CHST9: variants seen among roughly 807,000 people sequenced by gnomAD.
CHST9 encodes GalNAc-4-sulfotransferase 2.
In CHST9, 41 loss-of-function variants were observed where a neutral mutation model predicts 44.4. That is an observed-to-expected ratio of 0.92 (90% CI 0.72 to 1.20). CHST9 has a LOEUF of 1.20. Among genes scored for constraint, CHST9 ranks in the 50% most tolerant of loss-of-function variants. The pLI is 0.00. For missense variants in CHST9, 504 were observed against 516.5 expected, an observed-to-expected ratio of 0.98 and a Z score of 0.23; for synonymous variants, 171 against 178.4, an observed-to-expected ratio of 0.96 and a Z score of 0.33.
intron 1 of CHST9, among the ~76,000 whole-genome samples, chr18:27,182,612 C>T (rs777078742): frequency 6.6e-6 from 1 of 152,036 alleles, no homozygotes; most frequent in Non-Finnish European, 1.5e-5. Flanking sequence ...GATAAAATAC[C>T]GTAATATTGA....
intron 4 of CHST9, among the ~76,000 whole-genome samples, chr18:26,975,725 G>GTGTGTATA (rs1383045273): frequency 3.9e-5 from 4 of 101,840 alleles, no homozygotes; most frequent in African/African-American, 7.3e-5. Flanking sequence ...GTGTGTGTGT[G>GTGTGTATA]TATATATATA....
chr18:27,112,646 C>T (rs1277325671), intron 2 of CHST9, among the ~76,000 whole-genome samples: 1 of 148,056 alleles, frequency 6.8e-6, no homozygotes, highest in Non-Finnish European at 1.5e-5. Flanking sequence ...TATATATAAT[C>T]TATTGATTCT....
At chr18:27,091,544 C>T (rs2058069046) in intron 2 of CHST9, among the ~76,000 whole-genome samples, 1 of 152,114 alleles carries the variant, frequency 6.6e-6, no homozygotes, top group Admixed American at 6.5e-5. Flanking sequence ...GGGAATGCTT[C>T]CAGTTTTTGC....
intron 3 of CHST9, among the ~76,000 whole-genome samples, chr18:27,043,819 A>C (rs2057470847): frequency 6.6e-6 from 1 of 152,064 alleles, no homozygotes; most frequent in African/African-American, 2.4e-5. Flanking sequence ...CATGAAGTCC[A>C]AACTCCATGG....
At chr18:26,975,244 G>A (rs1273579687) in intron 4 of CHST9, among the ~76,000 whole-genome samples, 1 of 152,092 alleles carries the variant, frequency 6.6e-6, no homozygotes, top group African/African-American at 2.4e-5. Flanking sequence ...GAGACATAGG[G>A]AACAGGAAGG....
intron 4 of CHST9, among the ~76,000 whole-genome samples, chr18:27,002,903 A>G (rs1164755294): frequency 1.3e-5 from 2 of 152,234 alleles, no homozygotes; most frequent in Non-Finnish European, 2.9e-5. Flanking sequence ...TGTTAATGGC[A>G]GAAATGTGAA....
intron 1 of CHST9, among the ~76,000 whole-genome samples, chr18:27,147,050 G>T (rs1040279633): frequency 6.6e-6 from 1 of 151,840 alleles, no homozygotes; most frequent in Admixed American, 6.6e-5. Flanking sequence ...TCCCAGTTTA[G>T]CAGACATTTA....
intron 4 of CHST9, among the ~76,000 whole-genome samples, chr18:26,981,470 G>C (rs140328613): frequency 6.6e-6 from 1 of 152,158 alleles, no homozygotes; most frequent in Admixed American, 6.6e-5. Context: ...GAACAGAGCC[G>C]CATCTATCAT....
chr18:27,143,708 A>C (rs549795345), intron 1 of CHST9, among the ~76,000 whole-genome samples: 42 of 152,158 alleles, frequency 2.8e-4, no homozygotes, highest in African/African-American at 9.9e-4. Context: ...ATGTACCTTC[A>C]CTGAAACCCA....
At chr18:26,945,476 G>A (rs367816503) in intron 4 of CHST9, among the ~76,000 whole-genome samples, 6 of 152,008 alleles carry the variant, frequency 3.9e-5, no homozygotes, top group South Asian at 4.2e-4. Context: ...CATTTCTGTC[G>A]TTTTGTCATT....
intron 1 of CHST9, among the ~76,000 whole-genome samples, chr18:27,182,567 G>A: frequency 6.6e-6 from 1 of 152,262 alleles, no homozygotes; most frequent in East Asian, 1.9e-4. Flanking sequence ...TAGGCTAAAG[G>A]AACAAAGGAT....
At chr18:27,175,857 G>A (rs140274609) in intron 1 of CHST9, among the ~76,000 whole-genome samples, 145 of 152,132 alleles carry the variant, frequency 9.5e-4, no homozygotes, top group African/African-American at 3.5e-3. Context: ...ACAAATAAAT[G>A]TGAATTTGCA....
rs184706393 is a variant in CHST9 at position 27,107,031 on chromosome 18, T to C, written c.121+35658A>G. Among the ~76,000 whole-genome samples, 103 of 152,166 alleles carry C rather than the reference T, an allele frequency of 6.8e-4. 1 individual carries two copies. The highest frequency in any genetic ancestry group is 3.4e-3 in the Middle Eastern group (1 of 294). Reference sequence around the variant, plus strand: ...ATGTGGCATCAAAGGATGGAGTGGGTTTCCACAGATGGGAAAGGCCATTGG... The same window carrying C: ...ATGTGGCATCAAAGGATGGAGTGGGCTTCCACAGATGGGAAAGGCCATTGG... On this transcript the variant is annotated intron_variant, in intron 2 of 5. Coordinates refer to ENST00000618847, the MANE Select transcript of CHST9 (RefSeq NM_031422.6).
chr18:26,931,033 A>G (rs1011620771), intron 5 of CHST9, among the ~76,000 whole-genome samples: 2 of 152,172 alleles, frequency 1.3e-5, no homozygotes, highest in Non-Finnish European at 2.9e-5. Context: ...AGCAATGCTA[A>G]CCACAATAGC....
chr18:27,003,764 G>C (rs930102343), intron 4 of CHST9, among the ~76,000 whole-genome samples: 8 of 152,080 alleles, frequency 5.3e-5, no homozygotes, highest in Non-Finnish European at 1.2e-4. Flanking sequence ...AAGCTTTTGG[G>C]AGTTTTTTTG....
chr18:26,985,982 T>G (rs762226847), intron 4 of CHST9, among the ~76,000 whole-genome samples: 2 of 152,156 alleles, frequency 1.3e-5, no homozygotes, highest in African/African-American at 2.4e-5. Flanking sequence ...TCCAAGTAAT[T>G]TAACTGTATC....
chr18:27,063,654 G>A (rs1285406742), intron 2 of CHST9, among the ~76,000 whole-genome samples: 1 of 152,050 alleles, frequency 6.6e-6, no homozygotes, highest in Non-Finnish European at 1.5e-5. Flanking sequence ...CCTTTGTTGT[G>A]CAAAATATGT....
rs186222670 is a variant in CHST9, at chr18:26,989,704, G to A, written c.202+34412C>T. 3.9e-3 allele frequency among the ~76,000 whole-genome samples: 600 copies of A among 152,342 alleles called. 2 individuals carry two copies. The highest frequency in any genetic ancestry group is 6.7e-3 in the Non-Finnish European group (453 of 68,030). ...ATCGAGGCTGCGCCTGGTGGCTCAT[G>A]CCTGTAATCCCAGCACTTTTGGATT... On this transcript the variant is annotated intron_variant, in intron 4 of 5. Transcript: ENST00000618847.
At chr18:26,986,634 A>G (rs1158970180) in intron 4 of CHST9, among the ~76,000 whole-genome samples, 2 of 152,170 alleles carry the variant, frequency 1.3e-5, no homozygotes, top group African/African-American at 2.4e-5. Flanking sequence ...GCACATCACA[A>G]TCAAATTCCT....
Sources: gnomAD v4.1 joint callset for allele counts (sites outside exome capture counted in the v4.1 genomes callset) on GRCh38, gnomAD v4.1.1 for gene constraint, MANE v1.5 for transcripts, NCBI Gene and HGNC (gene_info 2026-07-23, HGNC 2026-07-21) for gene names.